The following EHBP1 variants were observed in gnomAD, a reference collection of about 807,000 sequenced individuals.
EHBP1 encodes EH domain-binding protein 1.
EHBP1 carries 55 observed loss-of-function variants against 144.0 expected under a neutral mutation model. That is an observed-to-expected ratio of 0.38 (90% CI 0.31 to 0.48). EHBP1 has a LOEUF of 0.48. Ranked by LOEUF, EHBP1 falls within the 20% of genes least tolerant of loss-of-function variation. The probability of loss-of-function intolerance (pLI) is 0.98; values close to 1 mark genes in which losing one functional copy is unlikely to be tolerated. For missense variants in EHBP1, 1,200 were observed against 1,364.2 expected (o/e 0.88, Z 1.90); for synonymous variants, 469 against 472.7 (o/e 0.99, Z 0.10).
chr2:62,753,812 C>T (rs534256329), intron 3 of EHBP1, among the ~76,000 whole-genome samples: 14 of 152,264 alleles, frequency 9.2e-5, no homozygotes, highest in African/African-American at 2.6e-4. Flanking sequence ...GCATTTGTCA[C>T]GTAGTTCTCA....
At chr2:63,010,221 A>G (rs1254352775) in intron 19 of EHBP1, among the ~76,000 whole-genome samples, 1 of 151,470 alleles carries the variant, frequency 6.6e-6, no homozygotes, top group African/African-American at 2.4e-5. Context: ...ATCATCTAGT[A>G]TAGACCTTTT....
intron 12 of EHBP1, among the ~76,000 whole-genome samples, chr2:62,944,391 G>A (rs1410355467): frequency 1.3e-5 from 2 of 152,126 alleles, no homozygotes; most frequent in African/African-American, 2.4e-5. Context: ...CATTTTTACT[G>A]TACCTTTTCT....
intron 10 of EHBP1, among the ~76,000 whole-genome samples, chr2:62,922,398 C>T (rs757684631): frequency 8.5e-5 from 13 of 152,126 alleles, no homozygotes; most frequent in Non-Finnish European, 1.6e-4. Context: ...CAAAGGTAGA[C>T]TTTGGTGGAA....
chr2:62,736,260 T>C, intron 2 of EHBP1, among the ~76,000 whole-genome samples: 1 of 149,572 alleles, frequency 6.7e-6, no homozygotes, highest in Non-Finnish European at 1.5e-5. Flanking sequence ...AGAGTCTTGT[T>C]CTGTTGCCCA....
chr2:62,932,850 A>G (rs991030980), intron 10 of EHBP1, among the ~76,000 whole-genome samples: 1 of 150,670 alleles, frequency 6.6e-6, no homozygotes, highest in Non-Finnish European at 1.5e-5. Context: ...GCTACTTCGG[A>G]GGCTGAGGAA....
chr2:62,721,230 G>C (rs1288862565), intron 2 of EHBP1, among the ~76,000 whole-genome samples: 3 of 152,064 alleles, frequency 2.0e-5, no homozygotes, highest in Non-Finnish European at 4.4e-5. Flanking sequence ...CTCAAATTGG[G>C]TTTGTTTGAT....
At chr2:62,926,609 G>A (rs1300238147) in intron 10 of EHBP1, among the ~76,000 whole-genome samples, 2 of 152,070 alleles carry the variant, frequency 1.3e-5, no homozygotes, top group Admixed American at 6.6e-5. Flanking sequence ...TGAGGGAAAT[G>A]CAAATCAAAA....
At chr2:62,967,415 C>G (rs1278344975) in intron 14 of EHBP1, among the ~76,000 whole-genome samples, 1 of 152,142 alleles carries the variant, frequency 6.6e-6, no homozygotes, top group Non-Finnish European at 1.5e-5. Flanking sequence ...AAAAGATTTC[C>G]TAAGAATTGC....
In EHBP1 at chr2:62,862,482, C is replaced by T. The variant is rs554963311; in HGVS notation, c.758-2249C>T. ...AAAATTAGCCAGGCGTGATGGCGGG[C>T]GCCTGTAATCCCAGCTCCTCAGGAG... On this transcript the variant is annotated intron_variant, in intron 8 of 22. Transcript: ENST00000431489. Among the ~76,000 whole-genome samples, 14 of 152,002 alleles carry T rather than the reference C, an allele frequency of 9.2e-5. No individual in the cohort carries two copies. The South Asian group carries it at 2.3e-3, about 25-fold the overall frequency.
intron 19 of EHBP1, among the ~76,000 whole-genome samples, chr2:63,024,316 C>T (rs939138207): frequency 2.6e-5 from 4 of 152,076 alleles, no homozygotes; most frequent in Admixed American, 2.6e-4. Context: ...TGCACTGCCG[C>T]CTGGATGACA....
At chr2:62,854,386 A>G (rs1040491708) in intron 7 of EHBP1, among the ~76,000 whole-genome samples, 1 of 152,270 alleles carries the variant, frequency 6.6e-6, no homozygotes, top group Non-Finnish European at 1.5e-5. Flanking sequence ...TTAGCACAAG[A>G]GGCCTAGCAT....
chr2:62,774,379 A>G (rs999826662), intron 5 of EHBP1, among the ~76,000 whole-genome samples: 4 of 151,408 alleles, frequency 2.6e-5, no homozygotes, highest in Non-Finnish European at 4.4e-5. Context: ...TCAAAAAGAA[A>G]AAAAAAAAAA....
chr2:62,950,469 A>C (rs1449882719), intron 13 of EHBP1, among the ~76,000 whole-genome samples: 1 of 152,148 alleles, frequency 6.6e-6, no homozygotes. Context: ...TTTGTTTTTA[A>C]AGTAATTATT....
At chr2:62,892,074 G>A (rs1224932091) in intron 10 of EHBP1, among the ~76,000 whole-genome samples, 1 of 152,072 alleles carries the variant, frequency 6.6e-6, no homozygotes, top group African/African-American at 2.4e-5. Flanking sequence ...AATGCCTTGT[G>A]AATTCAAGAG....
At chr2:62,922,777 C>G (rs761651042) in intron 10 of EHBP1, among the ~76,000 whole-genome samples, 1 of 152,168 alleles carries the variant, frequency 6.6e-6, no homozygotes. Context: ...TGAAGGCAGC[C>G]AGTCTCTGCA....
chr2:62,760,246 C>T lies in EHBP1; in HGVS notation c.163-4020C>T, dbSNP rs556423746. ...AATTAGCTAAACGATAGAAAGCTGG[C>T]CCTGACTGTACTCATTGTCAGCTAT... On this transcript the variant is annotated intron_variant, in intron 3 of 22. Coordinates refer to ENST00000431489, the MANE Select transcript of EHBP1 (RefSeq NM_001142616.3). 2.6e-5 allele frequency among the ~76,000 whole-genome samples: 4 copies of T among 152,234 alleles called. No individual in the cohort carries two copies. The East Asian group carries it at 5.8e-4, about 22-fold the overall frequency.
At chr2:62,783,151 C>G (rs1257155902) in intron 5 of EHBP1, among the ~76,000 whole-genome samples, 3 of 152,232 alleles carry the variant, frequency 2.0e-5, no homozygotes, top group Non-Finnish European at 4.4e-5. Context: ...CCATATCTCA[C>G]AGCTAGGTCA....
intron 15 of EHBP1, 89 bp downstream of exon 15, chr2:62,979,424 T>A (rs924653321): frequency 1.4e-6 from 2 of 1,398,988 alleles, no homozygotes; most frequent in South Asian, 3.1e-5. Context: ...TTCAAAATGT[T>A]GCTTCAAAAA....
intron 10 of EHBP1, among the ~76,000 whole-genome samples, chr2:62,939,490 G>A (rs1272812758): frequency 1.3e-5 from 2 of 152,116 alleles, no homozygotes; most frequent in Non-Finnish European, 2.9e-5. Flanking sequence ...GGCCAGGCCA[G>A]TCTCGAACTC....
Sources: gnomAD v4.1 joint callset for allele counts (sites outside exome capture counted in the v4.1 genomes callset) on GRCh38, gnomAD v4.1.1 for gene constraint, MANE v1.5 for transcripts, NCBI Gene and HGNC (gene_info 2026-07-23, HGNC 2026-07-21) for gene names.